FILIP1L: variants seen among roughly 807,000 people sequenced by gnomAD.
FILIP1L encodes filamin A interacting protein 1 like.
A neutral mutation model predicts 96.6 loss-of-function variants in FILIP1L; 55 were observed. That is an observed-to-expected ratio of 0.57 (90% CI 0.46 to 0.71). The LOEUF (loss-of-function observed/expected upper bound fraction) is 0.71, where lower values mean the gene tolerates loss of function less well. Among genes scored for constraint, FILIP1L ranks in the 30% least tolerant of loss-of-function variants. FILIP1L has a pLI of 0.00. For synonymous variants in FILIP1L, 467 were observed against 473.9 expected (o/e 0.99, Z 0.19); for missense variants, 1,304 against 1,321.2 (o/e 0.99, Z 0.20).
At chr3:99,893,045 A>C (rs1245503525) in intron 4 of FILIP1L, among the ~76,000 whole-genome samples, 8 of 152,120 alleles carry the variant, frequency 5.3e-5, no homozygotes, top group Non-Finnish European at 1.5e-5. Context: ...AGATGCAAGC[A>C]TGATGCTCTG....
intron 1 of FILIP1L, among the ~76,000 whole-genome samples, chr3:100,042,640 T>C (rs896602739): frequency 6.6e-6 from 1 of 152,222 alleles, no homozygotes; most frequent in African/African-American, 2.4e-5. Context: ...CAGATGATAC[T>C]GTATTTACTG....
rs370621998 is a variant in FILIP1L, at chr3:99,850,304, A to G, written c.1372T>C (p.Leu458=). ...LEKERMTTKQ[L]SQELESLKVR... is the part of the protein sequence containing the mutation. ...TTTAAACTCTCCAGTTCTTGAGACA[A>G]CTGCTTTGTGGTCATCCTTTCTTTT... The change falls in exon 5 of 6, where the codon TTG becomes CTG. Residue 458 remains leucine, a synonymous_variant. Transcript: ENST00000477258. The G allele has an allele frequency of 6.2e-7, 1 of 1,613,682 alleles. No homozygotes were observed. The highest frequency in any genetic ancestry group is 1.3e-5 in the African/African-American group (1 of 74,912).
intron 3 of FILIP1L, among the ~76,000 whole-genome samples, chr3:99,924,837 A>G (rs977414144): frequency 5.3e-5 from 8 of 152,004 alleles, no homozygotes; most frequent in African/African-American, 1.9e-4. Flanking sequence ...TGGGTTTTTT[A>G]TCTCCTTGTT....
chr3:99,860,091 C>T (rs1944169440), intron 4 of FILIP1L, among the ~76,000 whole-genome samples: 1 of 152,160 alleles, frequency 6.6e-6, no homozygotes, highest in South Asian at 2.1e-4. Flanking sequence ...GTCCTTGTTA[C>T]TGAAGATCCT....
intron 1 of FILIP1L, among the ~76,000 whole-genome samples, chr3:100,055,607 T>TA (rs2065451570): frequency 6.6e-6 from 1 of 152,224 alleles, no homozygotes; most frequent in South Asian, 2.1e-4. Context: ...CCCATTGCTA[T>TA]ACCACCTAGA....
intron 1 of FILIP1L, among the ~76,000 whole-genome samples, chr3:99,976,176 G>T (rs1398064151): frequency 6.6e-6 from 1 of 152,080 alleles, no homozygotes; most frequent in African/African-American, 2.4e-5. Context: ...ACCTGGCCCA[G>T]TGTCTCTTTT....
chr3:100,097,291 G>A (rs2066226593), intron 1 of FILIP1L, among the ~76,000 whole-genome samples: 1 of 152,214 alleles, frequency 6.6e-6, no homozygotes, highest in East Asian at 1.9e-4. Flanking sequence ...AGTCCCTGGT[G>A]CCTAAAAGGT....
intron 1 of FILIP1L, among the ~76,000 whole-genome samples, chr3:99,946,694 A>G (rs1708018325): frequency 6.6e-6 from 1 of 152,194 alleles, no homozygotes; most frequent in African/African-American, 2.4e-5. Flanking sequence ...TTGAGGGATG[A>G]TTGTAGTTTA....
At chr3:100,101,995 C>A (rs932258236) in intron 1 of FILIP1L, among the ~76,000 whole-genome samples, 1 of 152,126 alleles carries the variant, frequency 6.6e-6, no homozygotes, top group Non-Finnish European at 1.5e-5. Context: ...GTATATGTGC[C>A]ACATTTTCTT....
At chr3:99,949,744 A>G (rs143966899) in intron 1 of FILIP1L, among the ~76,000 whole-genome samples, 104 of 152,358 alleles carry the variant, frequency 6.8e-4, no homozygotes, top group Non-Finnish European at 1.1e-3. Flanking sequence ...TCTTTTAGCC[A>G]TTATGTATCT....
At chr3:99,929,513 A>AGT (rs10629410) in intron 3 of FILIP1L, among the ~76,000 whole-genome samples, 16,681 of 148,052 alleles carry the variant, frequency 0.11, 1,116 homozygotes, top group African/African-American at 0.2. Context: ...AAGTTCCCAG[A>AGT]GTGTGTGTGT....
At position 99,832,522 on chromosome 3, in the gene FILIP1L, G is replaced by T. The variant is rs113806973; in HGVS notation, c.3382-1917C>A. Reference sequence around the variant, plus strand: ...TGGGATTACAGGTGTGAGCCACTGCGCCCAGCCATTCCCAAATCTTTAAAA... The same window carrying T: ...TGGGATTACAGGTGTGAGCCACTGCTCCCAGCCATTCCCAAATCTTTAAAA... On this transcript the variant is annotated intron_variant, in intron 5 of 5. Transcript: ENST00000477258. Among the ~76,000 whole-genome samples the T allele has an allele frequency of 7.8e-5, 10 of 127,842 alleles. No individual in the cohort carries two copies. In the Admixed American group the frequency reaches 8.0e-4, roughly 10 times the overall value. The allele number at this position is 127,842 out of a possible 152,430, so 83.9% of individuals were successfully genotyped here. A position where few individuals can be genotyped will look rare whatever the true frequency, so the allele number is the denominator to read the frequency against.
At chr3:99,864,160 A>G (rs1001878917) in intron 4 of FILIP1L, among the ~76,000 whole-genome samples, 2 of 152,214 alleles carry the variant, frequency 1.3e-5, no homozygotes, top group Non-Finnish European at 2.9e-5. Context: ...ACTTATAACA[A>G]CAGCTTGAGT....
chr3:99,953,038 C>T (rs1708222939), intron 1 of FILIP1L, among the ~76,000 whole-genome samples: 1 of 151,986 alleles, frequency 6.6e-6, no homozygotes, highest in Non-Finnish European at 1.5e-5. Context: ...TTTTCTCTAT[C>T]AAGTGCCAGA....
chr3:99,872,116 T>C (rs1054848297), intron 4 of FILIP1L, among the ~76,000 whole-genome samples: 1 of 152,172 alleles, frequency 6.6e-6, no homozygotes, highest in African/African-American at 2.4e-5. Flanking sequence ...AGCCCAAGAA[T>C]GCAGGGGGCC....
chr3:100,014,895 C>CTTTTTTTTTTTTTTTTTTTTTTTTTTTT (rs1233573719), intron 1 of FILIP1L, among the ~76,000 whole-genome samples: 4 of 25,002 alleles, frequency 1.6e-4, no homozygotes, highest in Non-Finnish European at 2.1e-4. Flanking sequence ...TTCTTTCTTT[C>CTTTTTTTTTTTTTTTTTTTTTTTTTTTT]TTTTTTTTTT....
At chr3:99,905,028 T>C (rs182936856) in intron 4 of FILIP1L, among the ~76,000 whole-genome samples, 3 of 152,348 alleles carry the variant, frequency 2.0e-5, no homozygotes, top group Non-Finnish European at 1.5e-5. Context: ...TCTGACTTCA[T>C]CCTCTGCCAC....
Position 100,074,381 on chromosome 3 carries a change from C to G in FILIP1L, c.-11+39672G>C, listed in dbSNP as rs552626105. 3.9e-5 allele frequency among the ~76,000 whole-genome samples: 6 copies of G among 152,198 alleles called. No individual in the cohort carries two copies. In the South Asian group the frequency reaches 1.2e-3, roughly 32 times the overall value. ...TTATTAAAAATCAGAGGCTTTCTTC[C>G]CTTGTATTAACTTGTTCTTTGAAAT... On this transcript the variant is annotated intron_variant, in intron 1 of 5. Coordinates refer to ENST00000477258, the MANE Select transcript of FILIP1L (RefSeq NM_001387850.1).
Position 100,078,491 on chromosome 3 carries a change from A to G in FILIP1L, c.-11+35562T>C, listed in dbSNP as rs544340256. Among the ~76,000 whole-genome samples the G allele has an allele frequency of 3.9e-5, 6 of 152,302 alleles. No homozygotes were observed. The South Asian group carries it at 1.2e-3, about 32-fold the overall frequency. ...AGCAATAATTTATTTTTTATTGACT[A>G]GGTCAAGGGTGTCCAATCTTTGGCT... On this transcript the variant is annotated intron_variant, in intron 1 of 5. Transcript: ENST00000477258.
Sources: gnomAD v4.1 joint callset for allele counts (sites outside exome capture counted in the v4.1 genomes callset) on GRCh38, gnomAD v4.1.1 for gene constraint, MANE v1.5 for transcripts, NCBI Gene and HGNC (gene_info 2026-07-23, HGNC 2026-07-21) for gene names.